The following MAGI3 variants were observed in gnomAD, a reference collection of about 807,000 sequenced individuals.
MAGI3 encodes membrane associated guanylate kinase, WW and PDZ domain containing 3, also known as membrane-associated guanylate kinase, WW and PDZ domain-containing protein 3.
In MAGI3, 43 loss-of-function variants were observed where a neutral mutation model predicts 121.8. The observed-to-expected ratio is 0.35, with a 90% CI of 0.28 to 0.46. MAGI3 has a LOEUF of 0.46. MAGI3 is among the 20% of genes least tolerant of loss of function. The pLI is 1.00. For synonymous variants in MAGI3, 553 were observed against 639.3 expected (o/e 0.86, Z 2.04); for missense variants, 1,547 against 1,797.3 (o/e 0.86, Z 2.52).
intron 6 of MAGI3, among the ~76,000 whole-genome samples, chr1:113,610,528 A>G (rs957136826): frequency 2.6e-5 from 4 of 152,106 alleles, no homozygotes; most frequent in African/African-American, 9.7e-5. Flanking sequence ...TATCTGTACC[A>G]GGATGTTCTA....
At chr1:113,593,565 CAAT>C (rs1255834466) in intron 5 of MAGI3, among the ~76,000 whole-genome samples, 1 of 151,962 alleles carries the variant, frequency 6.6e-6, no homozygotes, top group Non-Finnish European at 1.5e-5. Flanking sequence ...ATAATAATAA[CAAT>C]AACTTTAATT....
intron 1 of MAGI3, among the ~76,000 whole-genome samples, chr1:113,513,218 T>A (rs1242119908): frequency 6.6e-6 from 1 of 152,050 alleles, no homozygotes; most frequent in Non-Finnish European, 1.5e-5. Flanking sequence ...AATTTAGAGA[T>A]TCAATGCCAT....
At chr1:113,634,667 A>G (rs1388578515) in intron 9 of MAGI3, among the ~76,000 whole-genome samples, 9 of 152,122 alleles carry the variant, frequency 5.9e-5, no homozygotes, top group Admixed American at 1.3e-4. Context: ...CAGGTAGTGT[A>G]ATGCCTCCAG....
At chr1:113,393,195 CTG>C (rs1375455855) in intron 1 of MAGI3, among the ~76,000 whole-genome samples, 2 of 152,102 alleles carry the variant, frequency 1.3e-5, no homozygotes, top group African/African-American at 4.8e-5. Flanking sequence ...GTAATATTAA[CTG>C]TGTTGAATAA....
chr1:113,431,885 C>G (rs1653315594), intron 1 of MAGI3, among the ~76,000 whole-genome samples: 1 of 151,802 alleles, frequency 6.6e-6, no homozygotes, highest in Admixed American at 6.6e-5. Context: ...TTAAATTATC[C>G]TGGAAACTTG....
rs745332927 is a variant in MAGI3, at chr1:113,683,155, C to T, written c.3587C>T (p.Pro1196Leu). ...CAGAAAAATGTGAGTAAGAGGGATC[C>T]ACCCAGCAGTCATGGGCACAGTAAC... ...LLQKNVSKRDPPSSHGHSNKK... is the reference protein window; with the variant it reads ...LLQKNVSKRDLPSSHGHSNKK... The change falls in exon 21 of 21, where the codon CCA (proline) becomes CTA (leucine). Residue 1196 changes from proline (P) to leucine (L), a missense_variant. By Grantham distance (98) the Pro-to-Leu change is moderately conservative (BLOSUM62 -3). Transcript: ENST00000307546. The T allele has an allele frequency of 6.2e-6, 10 of 1,613,616 alleles. No individual in the cohort carries two copies. The Admixed American group carries it at 1.3e-4, about 22-fold the overall frequency.
chr1:113,404,387 T>G (rs1651565673), intron 1 of MAGI3: 1 of 152,168 alleles, frequency 6.6e-6, no homozygotes, highest in Admixed American at 6.5e-5. Flanking sequence ...TTTTGTGAGT[T>G]GTCAAACAGC....
intron 4 of MAGI3, among the ~76,000 whole-genome samples, chr1:113,590,065 T>C (rs1648601500): frequency 6.6e-6 from 1 of 152,112 alleles, no homozygotes; most frequent in South Asian, 2.1e-4. Flanking sequence ...CTCTGTGCCT[T>C]AGTTTTCTCA....
At chr1:113,547,099 G>C (rs1287574263) in intron 1 of MAGI3, among the ~76,000 whole-genome samples, 1 of 137,210 alleles carries the variant, frequency 7.3e-6, no homozygotes, top group Non-Finnish European at 1.6e-5. Flanking sequence ...AAAAAAAAAA[G>C]CAAGAATTGA....
intron 2 of MAGI3, among the ~76,000 whole-genome samples, chr1:113,550,960 A>G (rs1659761683): frequency 1.1e-5 from 1 of 95,122 alleles, no homozygotes; most frequent in Non-Finnish European, 2.6e-5. Context: ...CCCCAACAAG[A>G]AAAAAAAAAA....
chr1:113,632,976 A>G (rs987501167), intron 9 of MAGI3, among the ~76,000 whole-genome samples: 11 of 151,482 alleles, frequency 7.3e-5, no homozygotes, highest in African/African-American at 2.7e-4. Flanking sequence ...ATATGTATAC[A>G]TGTGACATGC....
At chr1:113,616,405 T>C (rs756936049) in intron 7 of MAGI3, among the ~76,000 whole-genome samples, 10 of 152,232 alleles carry the variant, frequency 6.6e-5, no homozygotes, top group Non-Finnish European at 1.2e-4. Context: ...ATCTCGACCA[T>C]AGTAATCTGC....
chr1:113,580,647 G>A lies in MAGI3; in HGVS notation c.539G>A (p.Ser180Asn). 2 of 1,606,094 alleles carry A rather than the reference G, an allele frequency of 1.2e-6. No individual in the cohort carries two copies. The highest frequency in any genetic ancestry group is 2.2e-5 in the South Asian group (2 of 89,836). ...GAAGAGAGTGGAGCATTGTTAGAAA[G>A]TGGGACATATGATGGTATGTCCCCA... ...ALEESGALLE[S>N]GTYDGNFYGT... The change falls in exon 3 of 21, where the codon AGT (serine) becomes AAT (asparagine). Residue 180 changes from serine to asparagine, a missense_variant. Physicochemically the swap from Ser to Asn is conservative, Grantham distance 46. Coordinates refer to ENST00000307546, the MANE Select transcript of MAGI3 (RefSeq NM_001142782.2).
At chr1:113,543,124 T>C (rs1001338268) in intron 1 of MAGI3, among the ~76,000 whole-genome samples, 4 of 152,156 alleles carry the variant, frequency 2.6e-5, no homozygotes, top group Non-Finnish European at 4.4e-5. Context: ...TGTTCTTGTC[T>C]CATTCCTATG....
intron 9 of MAGI3, among the ~76,000 whole-genome samples, chr1:113,638,605 G>T (rs1440255660): frequency 6.6e-6 from 1 of 152,210 alleles, no homozygotes; most frequent in Non-Finnish European, 1.5e-5. Flanking sequence ...TTTCTCAGAG[G>T]AGTACCCGGT....
chr1:113,505,155 G>A (rs540907060), intron 1 of MAGI3, among the ~76,000 whole-genome samples: 5 of 152,186 alleles, frequency 3.3e-5, no homozygotes, highest in African/African-American at 1.2e-4. Context: ...CCCATACCAG[G>A]TAATTAGATG....
intron 9 of MAGI3, among the ~76,000 whole-genome samples, chr1:113,628,719 A>C (rs79220465): frequency 6.6e-6 from 1 of 152,030 alleles, no homozygotes; most frequent in Non-Finnish European, 1.5e-5. Flanking sequence ...TTTCCTAAGC[A>C]CTTTAAATAT....
At chr1:113,539,828 C>A (rs1437659843) in intron 1 of MAGI3, among the ~76,000 whole-genome samples, 2 of 146,662 alleles carry the variant, frequency 1.4e-5, no homozygotes, top group Non-Finnish European at 3.0e-5. Context: ...TCATTCTGTT[C>A]CCCATGCTGG....
At chr1:113,542,826 A>G (rs571825271) in intron 1 of MAGI3, among the ~76,000 whole-genome samples, 1 of 152,280 alleles carries the variant, frequency 6.6e-6, no homozygotes, top group East Asian at 1.9e-4. Flanking sequence ...GGGATATTCT[A>G]GGACAGCGCT....
Sources: allele counts gnomAD v4.1 joint callset (sites outside exome capture counted in the v4.1 genomes callset), GRCh38; gene constraint gnomAD v4.1.1; transcripts MANE v1.5; gene names NCBI Gene and HGNC (gene_info 2026-07-23, HGNC 2026-07-21).